The following TCTN1 variants were observed in gnomAD, a reference collection of about 807,000 sequenced individuals.
TCTN1 encodes the protein tectonic family member 1.
TCTN1 carries 58 observed loss-of-function variants against 65.8 expected under a neutral mutation model. That is an observed-to-expected ratio of 0.88 (90% CI 0.71 to 1.10). The LOEUF (loss-of-function observed/expected upper bound fraction) is 1.10. Ranked by LOEUF, TCTN1 falls within the 50% of genes least tolerant of loss-of-function variation. The pLI, the probability that TCTN1 is intolerant of heterozygous loss-of-function variation, is 0.00. For missense variants in TCTN1, 645 were observed against 719.4 expected (o/e 0.90, Z 1.18); for synonymous variants, 273 against 289.1 (o/e 0.94, Z 0.57).
rs1355707118 is a variant in TCTN1, at chr12:110,644,783, A to G, written c.1332-184A>G. 6.6e-5 allele frequency: 47 copies of G among 709,728 alleles called. No individual in the cohort carries two copies. The highest frequency in any genetic ancestry group is 1.1e-4 in the Non-Finnish European group (45 of 413,610). 44.0% of individuals were successfully genotyped at this position (709,728 alleles called of 1,614,324 possible). A position where few individuals can be genotyped will look rare whatever the true frequency, so the allele number is the denominator to read the frequency against. The stretch of plus-strand genomic sequence containing the variant: ...AGTCCCAGCACTCTGGGAGGATTGC[A>G]TGAGCCCAGGAGTTTGAGGCTGCAG... On this transcript the variant is annotated intron_variant, in intron 11 of 14. Transcript: ENST00000397659. This position sits in a 1 kb window ranked among gnomAD's most constrained non-coding sequence, Gnocchi z 4.6.
intron 2 of TCTN1, among the ~76,000 whole-genome samples, chr12:110,622,187 C>G (rs1344117893): frequency 6.6e-6 from 1 of 151,994 alleles, no homozygotes; most frequent in Non-Finnish European, 1.5e-5. Context: ...GAATTTCTCC[C>G]TTCCACCTCT....
At position 110,636,378 on chromosome 12, in the gene TCTN1, T is replaced by G. The variant is rs757858606; in HGVS notation, c.823-103T>G. 5 of 797,016 alleles carry G rather than the reference T, an allele frequency of 6.3e-6. No individual in the cohort carries two copies. The South Asian group carries it at 7.1e-5, about 11-fold the overall frequency. 49.4% of individuals were successfully genotyped at this position (797,016 alleles called of 1,614,324 possible). A position where few individuals can be genotyped will look rare whatever the true frequency, so the allele number is the denominator to read the frequency against. On this transcript the variant is annotated intron_variant, in intron 6 of 14. Coordinates refer to ENST00000397659, the MANE Select transcript of TCTN1 (RefSeq NM_001082538.3). ...TTCTGTTTTCTTCTTTGTGAAGCCT[T>G]TAATAAGATGAATATACTCTTCAAC...
chr12:110,628,212 G>A, intron 3 of TCTN1: 1 of 1,535,826 alleles, frequency 6.5e-7, no homozygotes, highest in East Asian at 2.4e-5. Context: ...GGCTTCTGTT[G>A]TGCTGTTTAC....
At chr12:110,630,727 G>A (rs936796722) in intron 4 of TCTN1, among the ~76,000 whole-genome samples, 1 of 152,136 alleles carries the variant, frequency 6.6e-6, no homozygotes, top group African/African-American at 2.4e-5. Flanking sequence ...GGGATTTATA[G>A]GTATCCACAT....
chr12:110,639,145 G>C lies in TCTN1; in HGVS notation c.844-1238G>C, dbSNP rs74661080. On this transcript the variant is annotated intron_variant, in intron 7 of 14. Transcript: ENST00000397659. The surrounding 1 kb of genome is among the most constrained non-coding windows in gnomAD (Gnocchi z 4.9). ...ATTATAAACAGCATGGTGCATGATTGAGTGCAAGTTCAAAGTGGTATAAAC... is the reference window on the plus strand; with the variant it reads ...ATTATAAACAGCATGGTGCATGATTCAGTGCAAGTTCAAAGTGGTATAAAC... Among the ~76,000 whole-genome samples, 1,309 of 152,338 alleles carry C rather than the reference G, an allele frequency of 8.6e-3. 27 individuals carry two copies. Among genetic ancestry groups the C allele is most frequent in the African/African-American group, 0.03 (1,256 of 41,576 alleles).
intron 5 of TCTN1, chr12:110,634,279 G>A: frequency 2.5e-6 from 1 of 401,990 alleles, no homozygotes; most frequent in Non-Finnish European, 5.1e-6. Context: ...GGGGACTGGT[G>A]GTAGCTGGGG....
chr12:110,636,546 A>G, intron 7 of TCTN1, 45 bp downstream of exon 7: 1 of 1,116,646 alleles, frequency 9.0e-7, no homozygotes, highest in East Asian at 2.4e-5. Flanking sequence ...AGGATAGTTT[A>G]TAATACTGTC....
chr12:110,626,089 C>G (rs1332188541), intron 2 of TCTN1, among the ~76,000 whole-genome samples: 1 of 150,602 alleles, frequency 6.6e-6, no homozygotes, highest in Non-Finnish European at 1.5e-5. Context: ...TTCTTTCTTT[C>G]TTTCTTTTTT....
At chr12:110,623,534 C>T (rs949487520) in intron 2 of TCTN1, among the ~76,000 whole-genome samples, 2 of 152,148 alleles carry the variant, frequency 1.3e-5, no homozygotes, top group Non-Finnish European at 2.9e-5. Context: ...TTAGCAGTTC[C>T]AGTTCAGGAA....
chr12:110,616,412 G>A (rs1234509223), intron 1 of TCTN1: 11 of 286,960 alleles, frequency 3.8e-5, no homozygotes, highest in South Asian at 2.6e-4. Context: ...ATGCCACCAC[G>A]CCCGGCTAAT....
At chr12:110,620,094 C>A (rs2065311716) in intron 2 of TCTN1, 138 bp downstream of exon 2, 2 of 1,314,644 alleles carry the variant, frequency 1.5e-6, no homozygotes, top group Non-Finnish European at 1.1e-6. Flanking sequence ...GCCATACCGT[C>A]CAAACAAATA....
Position 110,619,823 on chromosome 12 carries a change from C to CT in TCTN1, c.221-7dup, listed in dbSNP as rs768471137. 3.7e-6 allele frequency: 6 copies of CT among 1,614,054 alleles called. No homozygotes were observed. The Admixed American group carries it at 8.3e-5, about 22-fold the overall frequency. ...TGGTGATGTTCTGGATCCTACCCCT[C>CT]TTTTTTCTGCAGTTGCTGTTCTCTG... On this transcript the variant is annotated splice_polypyrimidine_tract_variant and intron_variant, in intron 1 of 14. Coordinates refer to ENST00000397659, the MANE Select transcript of TCTN1 (RefSeq NM_001082538.3).
rs560887298 is a variant in TCTN1 at position 110,649,326 on chromosome 12, C to T, written c.*285C>T. ...GTATCAAACCAAACCTCTCACCAAGCGGCCCAGGAGGGGCAGCTGTTCCTC... is the reference window on the plus strand; with the variant it reads ...GTATCAAACCAAACCTCTCACCAAGTGGCCCAGGAGGGGCAGCTGTTCCTC... On this transcript the variant is annotated 3_prime_UTR_variant, in exon 15 of 15. Coordinates refer to ENST00000397659, the MANE Select transcript of TCTN1 (RefSeq NM_001082538.3). 799 of 1,084,176 alleles carry T rather than the reference C, an allele frequency of 7.4e-4. 1 individual carries two copies. The highest frequency in any genetic ancestry group is 1.0e-3 in the Non-Finnish European group (715 of 716,232). 67.2% of individuals were successfully genotyped at this position (1,084,176 alleles called of 1,614,324 possible). A position where few individuals can be genotyped will look rare whatever the true frequency, so the allele number is the denominator to read the frequency against.
At chr12:110,619,315 T>C (rs1260396480) in intron 1 of TCTN1, among the ~76,000 whole-genome samples, 1 of 152,170 alleles carries the variant, frequency 6.6e-6, no homozygotes, top group Non-Finnish European at 1.5e-5. Context: ...CAAGGGTCTG[T>C]GAATATGAGT....
In TCTN1 at chr12:110,628,782, C is replaced by A. The variant is rs117896500; in HGVS notation, c.488C>A (p.Ser163Tyr). 919 of 1,604,468 alleles carry A rather than the reference C, an allele frequency of 5.7e-4. 9 individuals are homozygous for A. The Admixed American group carries it at 9.8e-3, about 17-fold the overall frequency. Reference protein sequence around the residue: ...IHITNYKPALSFINPEVPDEN... With the variant: ...IHITNYKPALYFINPEVPDEN... ...TAAAAAACAGATAAACCTGCATTAT[C>A]CTTTATTAATCCAGAAGTACCTGAT... is the stretch of plus-strand genomic sequence containing the variant. The change falls in exon 4 of 15, where the codon TCC becomes TAC. Residue 163 changes from serine (S) to tyrosine (Y), a missense_variant. Ser to Tyr is a moderately radical substitution (Grantham distance 144). Transcript: ENST00000397659.
Position 110,640,595 on chromosome 12 carries a change from C to T in TCTN1, c.978+78C>T. On this transcript the variant is annotated intron_variant, in intron 8 of 14. Transcript: ENST00000397659. The surrounding 1 kb of genome is among the most constrained non-coding windows in gnomAD (Gnocchi z 4.9). ...TGTTGCGCCGGGGTAACTGGACGCC[C>T]TCCGAGGACGCTCTGTCCCAGCCCA... is the stretch of plus-strand genomic sequence containing the variant. 6.2e-7 allele frequency: 1 copy of T among 1,602,530 alleles called. No homozygotes were observed. The highest frequency in any genetic ancestry group is 1.1e-5 in the South Asian group (1 of 90,456).
At chr12:110,637,656 T>A (rs2066666264) in intron 7 of TCTN1, among the ~76,000 whole-genome samples, 1 of 152,146 alleles carries the variant, frequency 6.6e-6, no homozygotes, top group South Asian at 2.1e-4. Context: ...CCAGTCTCCT[T>A]CTCTCTCCTC....
chr12:110,634,969 C>T (rs907812589), intron 6 of TCTN1, among the ~76,000 whole-genome samples, 190 bp downstream of exon 6: 6 of 152,194 alleles, frequency 3.9e-5, no homozygotes, highest in Non-Finnish European at 1.5e-5. Context: ...ATAGTTAGCT[C>T]ATATTTTGCT....
intron 1 of TCTN1, among the ~76,000 whole-genome samples, chr12:110,615,965 T>G (rs575870101): frequency 6.6e-6 from 1 of 152,304 alleles, no homozygotes; most frequent in East Asian, 1.9e-4. Flanking sequence ...AGAAATATAT[T>G]TGCTATTTTA....
Sources: gnomAD v4.1 joint callset for allele counts (sites outside exome capture counted in the v4.1 genomes callset) on GRCh38, gnomAD v4.1.1 for gene constraint, Gnocchi (gnomAD v3.1) non-coding constraint, MANE v1.5 for transcripts, NCBI Gene and HGNC (gene_info 2026-07-23, HGNC 2026-07-21) for gene names.